The following CDH18 variants were observed in gnomAD, a reference collection of about 807,000 sequenced individuals.
The protein encoded by CDH18 is cadherin 18, also known as cadherin-18.
In CDH18, 31 loss-of-function variants were observed where a neutral mutation model predicts 67.9. The ratio of observed to expected loss-of-function variants is 0.46; its 90% confidence interval spans 0.34 to 0.62. The LOEUF (loss-of-function observed/expected upper bound fraction) is 0.62. Ranked by LOEUF, CDH18 falls within the 20% of genes least tolerant of loss-of-function variation. CDH18 has a pLI of 0.01. For missense variants in CDH18, 890 were observed against 975.5 expected (o/e 0.91, Z 1.17); for synonymous variants, 362 against 347.2 (o/e 1.04, Z -0.48).
chr5:20,442,846 C>G lies in CDH18; in HGVS notation c.-580+132616G>C, dbSNP rs188585473. Among the ~76,000 whole-genome samples the G allele has an allele frequency of 1.5e-3, 221 of 151,946 alleles. 5 individuals are homozygous for G. The highest frequency in any genetic ancestry group is 5.2e-3 in the African/African-American group (215 of 41,258). ...CAAGCTGATTAATTGTACAAATATTCAGATACAATGGATCAGATATGTAGA... is the reference window on the plus strand; with the variant it reads ...CAAGCTGATTAATTGTACAAATATTGAGATACAATGGATCAGATATGTAGA... On this transcript the variant is annotated intron_variant, in intron 1 of 14. Transcript: ENST00000507958.
intron 1 of CDH18, among the ~76,000 whole-genome samples, chr5:20,512,023 C>T (rs1183722784): frequency 6.6e-6 from 1 of 151,984 alleles, no homozygotes; most frequent in African/African-American, 2.4e-5. Context: ...GAGTTCAAGA[C>T]CAGTCTGGCC....
chr5:19,849,627 CATATATATACACGCAT>C (rs1561437056), intron 2 of CDH18, among the ~76,000 whole-genome samples: 3 of 9,338 alleles, frequency 3.2e-4, no homozygotes, highest in African/African-American at 4.5e-4. Flanking sequence ...TATATATAAA[CATATATATACACGCAT>C]ATATATATAA....
At position 20,158,927 on chromosome 5, in the gene CDH18, A is replaced by G. The variant is rs111422590; in HGVS notation, c.-518+96517T>C. ...TCTCTCTTTATCACTTGCAACCCCA[A>G]CTATCATCTTGCAAATTCTTTTGAG... On this transcript the variant is annotated intron_variant, in intron 2 of 14. Coordinates refer to the CDH18 transcript ENST00000507958. 1.8e-3 allele frequency: 338 copies of G among 185,618 alleles called. 2 individuals carry two copies. The highest frequency in any genetic ancestry group is 7.4e-3 in the African/African-American group (314 of 42,256). The allele number at this position is 185,618 out of a possible 1,614,324, so 11.5% of individuals were successfully genotyped here. A position where few individuals can be genotyped will look rare whatever the true frequency, so the allele number is the denominator to read the frequency against.
chr5:19,473,114 T>C lies in CDH18; in HGVS notation c.*112A>G. The C allele has an allele frequency of 6.2e-6, 8 of 1,295,934 alleles. No individual in the cohort carries two copies. In the South Asian group the frequency reaches 1.2e-4, roughly 19 times the overall value. 80.3% of individuals were successfully genotyped at this position (1,295,934 alleles called of 1,614,324 possible). On this transcript the variant is annotated 3_prime_UTR_variant, in exon 13 of 13. Transcript: ENST00000382275. ...GGCACTTGTTTCTACAGGAGCTGTG[T>C]CCAGCTTCCTCAGTTCCAAGTACTG...
intron 2 of CDH18, among the ~76,000 whole-genome samples, chr5:19,851,652 AT>A (rs1447074269): frequency 6.6e-6 from 1 of 151,960 alleles, no homozygotes; most frequent in Non-Finnish European, 1.5e-5. Context: ...TGTCTCTTGT[AT>A]ACTTAACTTA....
chr5:20,297,290 A>C (rs1747617561), intron 1 of CDH18, among the ~76,000 whole-genome samples: 1 of 152,204 alleles, frequency 6.6e-6, no homozygotes, highest in Non-Finnish European at 1.5e-5. Context: ...CCTCTGAACG[A>C]ACTAGCCTTC....
intron 5 of CDH18, among the ~76,000 whole-genome samples, chr5:19,687,882 C>T (rs747412384): frequency 1.6e-4 from 24 of 152,314 alleles, no homozygotes; most frequent in Non-Finnish European, 3.4e-4. Context: ...CCCAACCCTA[C>T]CTGCCACAGC....
At chr5:19,483,238 T>A in intron 12 of CDH18, 63 bp downstream of exon 12, 1 of 1,510,262 alleles carries the variant, frequency 6.6e-7, no homozygotes, top group Non-Finnish European at 9.0e-7. Flanking sequence ...TTAAGATTTG[T>A]CAAAATGATT....
At chr5:19,778,788 A>T (rs1774714022) in intron 3 of CDH18, among the ~76,000 whole-genome samples, 1 of 152,194 alleles carries the variant, frequency 6.6e-6, no homozygotes, top group African/African-American at 2.4e-5. Flanking sequence ...CATGAATTGG[A>T]TAGCCAATAG....
chr5:20,199,092 G>C lies in CDH18; in HGVS notation c.-518+56352C>G, dbSNP rs192713456. On this transcript the variant is annotated intron_variant, in intron 2 of 14. Transcript: ENST00000507958. ...TGCAGCAGGGAAATGTGGGGTTGAAGCCACACAGAGTTCCCACTGGGGCAC... is the reference window on the plus strand; with the variant it reads ...TGCAGCAGGGAAATGTGGGGTTGAACCCACACAGAGTTCCCACTGGGGCAC... Among the ~76,000 whole-genome samples the C allele has an allele frequency of 2.6e-5, 4 of 152,298 alleles. No individual in the cohort carries two copies. In the East Asian group the frequency reaches 7.7e-4, roughly 29 times the overall value.
chr5:19,486,690 G>A (rs1740458812), intron 11 of CDH18, among the ~76,000 whole-genome samples: 1 of 152,118 alleles, frequency 6.6e-6, no homozygotes, highest in South Asian at 2.1e-4. Flanking sequence ...CTACTTGGGA[G>A]GCTGAGGCAG....
chr5:19,812,617 C>T (rs1778852928), intron 3 of CDH18, among the ~76,000 whole-genome samples: 1 of 151,924 alleles, frequency 6.6e-6, no homozygotes, highest in South Asian at 2.1e-4. Context: ...AAACAAGAAA[C>T]AACCTAATCA....
At chr5:19,592,374 T>C (rs950097248) in intron 6 of CDH18, among the ~76,000 whole-genome samples, 9 of 152,044 alleles carry the variant, frequency 5.9e-5, no homozygotes, top group Admixed American at 6.6e-5. Flanking sequence ...TTTTTAATAA[T>C]TATTTTATTG....
chr5:19,840,709 T>C (rs1454624086), intron 2 of CDH18, among the ~76,000 whole-genome samples: 2 of 151,878 alleles, frequency 1.3e-5, no homozygotes, highest in Non-Finnish European at 2.9e-5. Flanking sequence ...TCTCAAAAAA[T>C]ACAATAAAAT....
intron 2 of CDH18, among the ~76,000 whole-genome samples, chr5:20,010,255 T>A (rs1057196138): frequency 4.6e-5 from 7 of 151,966 alleles, no homozygotes; most frequent in African/African-American, 1.7e-4. Flanking sequence ...TTTTTTTAAT[T>A]TTTTTGAGAC....
chr5:19,994,275 A>G (rs1800152953), intron 2 of CDH18, among the ~76,000 whole-genome samples: 1 of 151,288 alleles, frequency 6.6e-6, no homozygotes, highest in Non-Finnish European at 1.5e-5. Context: ...ATATGTATAC[A>G]TATATACACA....
intron 2 of CDH18, among the ~76,000 whole-genome samples, chr5:19,972,468 T>C (rs1440706889): frequency 1.3e-5 from 2 of 152,024 alleles, no homozygotes; most frequent in East Asian, 3.8e-4. Flanking sequence ...GCATTATCAA[T>C]AAAGCGAAAG....
intron 1 of CDH18, among the ~76,000 whole-genome samples, chr5:20,520,174 A>C (rs1034922379): frequency 6.6e-6 from 1 of 151,770 alleles, no homozygotes; most frequent in African/African-American, 2.4e-5. Context: ...ATTATCTGGG[A>C]CTGAACATTG....
intron 1 of CDH18, among the ~76,000 whole-genome samples, chr5:20,441,655 T>C (rs1028107730): frequency 1.3e-5 from 2 of 152,026 alleles, no homozygotes; most frequent in Non-Finnish European, 2.9e-5. Context: ...AGTTAATTCC[T>C]TCCTCAGTTG....
Sources: allele counts gnomAD v4.1 joint callset (sites outside exome capture counted in the v4.1 genomes callset), GRCh38; gene constraint gnomAD v4.1.1; transcripts MANE v1.5; gene names NCBI Gene and HGNC (gene_info 2026-07-23, HGNC 2026-07-21).